Variants in BCAS3 observed in about 807,000 individuals in gnomAD.
BCAS3 encodes the protein BCAS3 microtubule associated cell migration factor, also known as BCAS4/BCAS3 fusion.
In BCAS3, 53 loss-of-function variants were observed where a neutral mutation model predicts 116.1. That is an observed-to-expected ratio of 0.46 (90% CI 0.37 to 0.57). BCAS3 has a LOEUF of 0.57. Among genes scored for constraint, BCAS3 ranks in the 20% least tolerant of loss-of-function variants. BCAS3 has a pLI of 0.00. For synonymous variants in BCAS3, 391 were observed against 408.2 expected (o/e 0.96, Z 0.51); for missense variants, 917 against 1,165.4 (o/e 0.79, Z 3.10).
At chr17:60,698,585 A>G (rs2143919027) in intron 4 of BCAS3, among the ~76,000 whole-genome samples, 1 of 152,374 alleles carries the variant, frequency 6.6e-6, no homozygotes, top group African/African-American at 2.4e-5. Context: ...TGTATATATT[A>G]TGACCTCAGG....
chr17:60,765,368 T>C (rs980513993), intron 6 of BCAS3, among the ~76,000 whole-genome samples: 1 of 152,188 alleles, frequency 6.6e-6, no homozygotes, highest in Non-Finnish European at 1.5e-5. Context: ...CTTCAGGAGC[T>C]CTTGTAAGGC....
chr17:60,851,422 A>G, intron 7 of BCAS3: 1 of 421,524 alleles, frequency 2.4e-6, no homozygotes, highest in Non-Finnish European at 4.7e-6. Context: ...GGGGCCGCCA[A>G]GGAAGAGGCC....
chr17:61,317,697 A>G (rs1054759249), intron 22 of BCAS3, among the ~76,000 whole-genome samples: 1 of 152,242 alleles, frequency 6.6e-6, no homozygotes, highest in African/African-American at 2.4e-5. Flanking sequence ...GGAGAGTAGT[A>G]GTTGGCAAGG....
rs1230082996 is a variant in BCAS3 at position 61,381,237 on chromosome 17, T to C, written c.2594-10740T>C. On this transcript the variant is annotated intron_variant, in intron 23 of 23. Transcript: ENST00000407086. The surrounding 1 kb of genome is among the most constrained non-coding windows in gnomAD (Gnocchi z 6.0). Reference sequence around the variant, plus strand: ...ATACACCAAAGTGGAATTGCATTTCTAGATTTGTTATTCCTCCTGGAGGAG... The same window carrying C: ...ATACACCAAAGTGGAATTGCATTTCCAGATTTGTTATTCCTCCTGGAGGAG... Among the ~76,000 whole-genome samples the C allele has an allele frequency of 6.6e-6, 1 of 152,242 alleles. No homozygotes were observed. The highest frequency in any genetic ancestry group is 2.4e-5 in the African/African-American group (1 of 41,468).
At chr17:61,092,068 T>C (rs985409340) in intron 22 of BCAS3, among the ~76,000 whole-genome samples, 2 of 152,180 alleles carry the variant, frequency 1.3e-5, no homozygotes, top group African/African-American at 4.8e-5. Flanking sequence ...TCATCACAGA[T>C]TACCTTTACC....
intron 14 of BCAS3, among the ~76,000 whole-genome samples, chr17:60,973,660 T>C (rs1253927850): frequency 6.6e-6 from 1 of 151,074 alleles, no homozygotes; most frequent in Non-Finnish European, 1.5e-5. Flanking sequence ...TGGTGTAATC[T>C]CAGCTCACTG....
intron 22 of BCAS3, among the ~76,000 whole-genome samples, chr17:61,342,006 GGGCTTGGT>G (rs2057194423): frequency 6.6e-6 from 1 of 152,188 alleles, no homozygotes; most frequent in African/African-American, 2.4e-5. Context: ...CAGTGGTTTA[GGGCTTGGT>G]TCTTTTGAGA....
At chr17:60,897,455 T>C (rs1455557903) in intron 10 of BCAS3, among the ~76,000 whole-genome samples, 1 of 152,192 alleles carries the variant, frequency 6.6e-6, no homozygotes, top group Non-Finnish European at 1.5e-5. Context: ...TCCAAACTTT[T>C]GTTAGACTTG....
At chr17:61,058,011 ATTATTT>A (rs964726300) in intron 19 of BCAS3, among the ~76,000 whole-genome samples, 25 of 152,062 alleles carry the variant, frequency 1.6e-4, no homozygotes, top group African/African-American at 5.8e-4. Context: ...CATATTTAAT[ATTATTT>A]TTGTTTCTGG....
intron 14 of BCAS3, among the ~76,000 whole-genome samples, chr17:60,950,246 T>A (rs576853555): frequency 1.3e-5 from 2 of 152,012 alleles, no homozygotes; most frequent in Non-Finnish European, 2.9e-5. Flanking sequence ...GATCTAGCAG[T>A]AGGGGAGGGG....
Position 61,020,809 on chromosome 17 carries a change from T to C in BCAS3, c.1637+4908T>C, listed in dbSNP as rs1181921235. Among the ~76,000 whole-genome samples, 2 of 152,218 alleles carry C rather than the reference T, an allele frequency of 1.3e-5. No homozygotes were observed. The highest frequency in any genetic ancestry group is 2.9e-5 in the Non-Finnish European group (2 of 68,036). On this transcript the variant is annotated intron_variant, in intron 16 of 23. Transcript: ENST00000407086. The surrounding 1 kb of genome is among the most constrained non-coding windows in gnomAD (Gnocchi z 4.5). ...CTGCTTAAATCTAAAATTATTTATA[T>C]TTCCAAATTATTTTATGGACACAAG...
chr17:60,987,208 G>A (rs1194272859), intron 14 of BCAS3: 1 of 150,884 alleles, frequency 6.6e-6, no homozygotes, highest in African/African-American at 2.4e-5. Flanking sequence ...TTTTATGCCA[G>A]TACCATGCTG....
Position 61,051,111 on chromosome 17 carries a change from A to G in BCAS3, c.2029+10219A>G, listed in dbSNP as rs1422234672. On this transcript the variant is annotated intron_variant, in intron 19 of 23. Coordinates refer to ENST00000407086, the MANE Select transcript of BCAS3 (RefSeq NM_017679.5). This position sits in a 1 kb window ranked among gnomAD's most constrained non-coding sequence, Gnocchi z 4.1. ...ATCAGATATACCCATATCTTTGACA[A>G]CTACTCAGATTTTTTTACAAGTGGA... Among the ~76,000 whole-genome samples the G allele has an allele frequency of 6.6e-6, 1 of 152,060 alleles. No homozygotes were observed. Among genetic ancestry groups the G allele is most frequent in the Non-Finnish European group, 1.5e-5 (1 of 67,982 alleles).
rs1283056321 is a variant in BCAS3, at chr17:61,145,440, G to T, written c.2425+60876G>T. Among the ~76,000 whole-genome samples, 1 of 152,142 alleles carries T rather than the reference G, an allele frequency of 6.6e-6. No homozygotes were observed. On this transcript the variant is annotated intron_variant, in intron 22 of 23. Coordinates refer to ENST00000407086, the MANE Select transcript of BCAS3 (RefSeq NM_017679.5). The surrounding 1 kb of genome is among the most constrained non-coding windows in gnomAD (Gnocchi z 5.0). Reference sequence around the variant, plus strand: ...GCTGCAGGGGCTACGGAGAGGGAGTGGGGGCTGGGGGAGGACCATTGGGAG... The same window carrying T: ...GCTGCAGGGGCTACGGAGAGGGAGTTGGGGCTGGGGGAGGACCATTGGGAG...
At chr17:60,802,570 A>T (rs2047910081) in intron 6 of BCAS3, among the ~76,000 whole-genome samples, 1 of 152,074 alleles carries the variant, frequency 6.6e-6, no homozygotes, top group Non-Finnish European at 1.5e-5. Flanking sequence ...GATGACTATT[A>T]ATCCTTGGCT....
chr17:61,060,220 A>G (rs2069847504), intron 19 of BCAS3, among the ~76,000 whole-genome samples: 1 of 151,572 alleles, frequency 6.6e-6, no homozygotes, highest in Non-Finnish European at 1.5e-5. Context: ...TCCCCCTCCC[A>G]GGTTCACGCC....
rs888528922 is a variant in BCAS3, at chr17:61,220,891, G to A, written c.2425+136327G>A. Among the ~76,000 whole-genome samples the A allele has an allele frequency of 1.3e-5, 2 of 152,172 alleles. No individual in the cohort carries two copies. Among genetic ancestry groups the A allele is most frequent in the Non-Finnish European group, 2.9e-5 (2 of 68,028 alleles). On this transcript the variant is annotated intron_variant, in intron 22 of 23. Coordinates refer to ENST00000407086, the MANE Select transcript of BCAS3 (RefSeq NM_017679.5). This position sits in a 1 kb window ranked among gnomAD's most constrained non-coding sequence, Gnocchi z 4.5. Reference sequence around the variant, plus strand: ...CGAGGTGGGTGGATCACGAGGTCAGGAGATCGAGACCATCCTGGCCAACAC... The same window carrying A: ...CGAGGTGGGTGGATCACGAGGTCAGAAGATCGAGACCATCCTGGCCAACAC...
chr17:60,862,518 T>C (rs1279261070), intron 7 of BCAS3, among the ~76,000 whole-genome samples: 2 of 152,222 alleles, frequency 1.3e-5, no homozygotes, highest in African/African-American at 4.8e-5. Flanking sequence ...AGGGTTTTAA[T>C]TTCTTCCTGA....
intron 12 of BCAS3, among the ~76,000 whole-genome samples, chr17:60,917,663 G>C (rs2058843351): frequency 6.6e-6 from 1 of 151,622 alleles, no homozygotes. Flanking sequence ...GCACAATGTT[G>C]GCCCACTGCA....
Sources: allele counts gnomAD v4.1 joint callset (sites outside exome capture counted in the v4.1 genomes callset), GRCh38; gene constraint gnomAD v4.1.1; non-coding constraint Gnocchi (gnomAD v3.1); transcripts MANE v1.5; gene names NCBI Gene and HGNC (gene_info 2026-07-23, HGNC 2026-07-21).